Variants in DLGAP2 observed in about 807,000 individuals in gnomAD.
The protein encoded by DLGAP2 is disks large-associated protein 2.
A neutral mutation model predicts 100.3 loss-of-function variants in DLGAP2; 26 were observed. The ratio of observed to expected loss-of-function variants is 0.26; its 90% confidence interval spans 0.19 to 0.36. DLGAP2 has a LOEUF of 0.36. Ranked by LOEUF, DLGAP2 falls within the 10% of genes least tolerant of loss-of-function variation. The pLI, the probability that DLGAP2 is intolerant of heterozygous loss-of-function variation, is 1.00. For synonymous variants in DLGAP2, 886 were observed against 630.1 expected, an observed-to-expected ratio of 1.41 and a Z score of -6.08; for missense variants, 1,858 against 1,453.2, an observed-to-expected ratio of 1.28 and a Z score of -4.53.
intron 2 of DLGAP2, among the ~76,000 whole-genome samples, chr8:1,209,148 C>A (rs1422677034): frequency 6.6e-6 from 1 of 152,010 alleles, no homozygotes; most frequent in Non-Finnish European, 1.5e-5. Flanking sequence ...GTAGAAAAAA[C>A]AATCCTAAAA....
chr8:1,202,600 C>T (rs1797903036), intron 2 of DLGAP2, among the ~76,000 whole-genome samples: 1 of 152,164 alleles, frequency 6.6e-6, no homozygotes, highest in Non-Finnish European at 1.5e-5. Context: ...ACCACAGAGG[C>T]CGTAACACGG....
intron 2 of DLGAP2, among the ~76,000 whole-genome samples, chr8:1,103,771 T>C (rs1804664079): frequency 1.3e-5 from 2 of 149,418 alleles, no homozygotes; most frequent in Admixed American, 1.3e-4. Context: ...GGGGCCTTGG[T>C]TGACGGTGAT....
chr8:943,839 CAA>C (rs1327505790), intron 2 of DLGAP2, among the ~76,000 whole-genome samples: 2 of 152,230 alleles, frequency 1.3e-5, no homozygotes, highest in Non-Finnish European at 2.9e-5. Flanking sequence ...TGAAAATTGT[CAA>C]AAGTTAATGA....
At chr8:1,220,079 G>C (rs4387002) in intron 2 of DLGAP2, among the ~76,000 whole-genome samples, 49,015 of 151,794 alleles carry the variant, frequency 0.32, 8,183 homozygotes, top group South Asian at 0.51. Context: ...TTTTGTTGAT[G>C]TTTTGAATGG....
chr8:1,194,482 A>G (rs1295708883), intron 2 of DLGAP2, among the ~76,000 whole-genome samples: 1 of 152,078 alleles, frequency 6.6e-6, no homozygotes, highest in Non-Finnish European at 1.5e-5. Context: ...CCTCAGTCCC[A>G]CTTTCCAGGT....
rs190719100 is a variant in DLGAP2 at position 919,007 on chromosome 8, C to G, written c.73+11041C>G. On this transcript the variant is annotated intron_variant, in intron 2 of 14. Transcript: ENST00000637795. Reference sequence around the variant, plus strand: ...CCAGGCTGGAGTGCAGTGGTGCGATCAGAACTCACTGCAGCCTCAAGTTCC... The same window carrying G: ...CCAGGCTGGAGTGCAGTGGTGCGATGAGAACTCACTGCAGCCTCAAGTTCC... Among the ~76,000 whole-genome samples, 372 of 152,240 alleles carry G rather than the reference C, an allele frequency of 2.4e-3. 4 individuals carry two copies. Among genetic ancestry groups the G allele is most frequent in the African/African-American group, 8.5e-3 (352 of 41,548 alleles).
At chr8:1,450,878 C>T (rs1262035039) in intron 3 of DLGAP2, among the ~76,000 whole-genome samples, 5 of 152,000 alleles carry the variant, frequency 3.3e-5, no homozygotes, top group South Asian at 2.1e-4. Flanking sequence ...AAAGAGACAC[C>T]GTAATAAACA....
At chr8:1,389,126 G>T (rs1209343142) in intron 3 of DLGAP2, among the ~76,000 whole-genome samples, 1 of 152,186 alleles carries the variant, frequency 6.6e-6, no homozygotes, top group Non-Finnish European at 1.5e-5. Context: ...TGCAGGTGGG[G>T]AGGGCTCTGG....
chr8:1,043,253 GTGTGGGTGGTGGA>G (rs1563161478), intron 2 of DLGAP2, among the ~76,000 whole-genome samples: 9 of 97,332 alleles, frequency 9.2e-5, no homozygotes, highest in African/African-American at 3.1e-4. Flanking sequence ...TGGGTGGTGG[GTGTGGGTGGTGGA>G]TGTGGGTGGT....
intron 2 of DLGAP2, among the ~76,000 whole-genome samples, chr8:1,232,767 C>G (rs74754742): frequency 2.0e-5 from 3 of 152,366 alleles, no homozygotes; most frequent in Non-Finnish European, 4.4e-5. Flanking sequence ...ATTTCTTCCA[C>G]TAACTTTTTT....
intron 2 of DLGAP2, among the ~76,000 whole-genome samples, chr8:946,282 T>C (rs1328625277): frequency 6.6e-6 from 1 of 151,686 alleles, no homozygotes; most frequent in Non-Finnish European, 1.5e-5. Context: ...TTTTTTTTTT[T>C]TTTGACAGTC....
chr8:771,670 G>C (rs2132608247), intron 1 of DLGAP2, among the ~76,000 whole-genome samples: 1 of 152,362 alleles, frequency 6.6e-6, no homozygotes, highest in South Asian at 2.1e-4. Context: ...GAGACGCATT[G>C]AACACGACGT....
At chr8:1,525,418 C>T (rs1208426708) in intron 4 of DLGAP2, among the ~76,000 whole-genome samples, 1 of 152,084 alleles carries the variant, frequency 6.6e-6, no homozygotes, top group Non-Finnish European at 1.5e-5. Context: ...ATTTTCCATC[C>T]ATTTTTTCTG....
intron 2 of DLGAP2, among the ~76,000 whole-genome samples, chr8:1,256,850 T>C (rs13257793): frequency 0.065 from 9,914 of 152,190 alleles, 816 homozygotes; most frequent in African/African-American, 0.19. Flanking sequence ...GGCTGCCCCG[T>C]GTCCCCTGGG....
At chr8:1,089,548 C>T (rs980974621) in intron 2 of DLGAP2, among the ~76,000 whole-genome samples, 6 of 152,204 alleles carry the variant, frequency 3.9e-5, no homozygotes, top group Non-Finnish European at 7.3e-5. Context: ...CTGGCACCCT[C>T]CCTCCTTGCC....
At chr8:1,492,660 C>G (rs1340091809) in intron 3 of DLGAP2, among the ~76,000 whole-genome samples, 2 of 152,238 alleles carry the variant, frequency 1.3e-5, no homozygotes, top group African/African-American at 4.8e-5. Flanking sequence ...GTGACCTGAC[C>G]CCTCCTCACA....
chr8:1,644,836 G>A (rs1323528567), intron 8 of DLGAP2, among the ~76,000 whole-genome samples: 1 of 152,030 alleles, frequency 6.6e-6, no homozygotes, highest in Admixed American at 6.6e-5. Context: ...CGTCTAAAAA[G>A]CATTACATTA....
chr8:1,391,881 A>T (rs1796365482), intron 3 of DLGAP2, among the ~76,000 whole-genome samples: 1 of 152,176 alleles, frequency 6.6e-6, no homozygotes, highest in Non-Finnish European at 1.5e-5. Flanking sequence ...CCCCTCCTGA[A>T]CGCTTGTGCG....
intron 2 of DLGAP2, among the ~76,000 whole-genome samples, chr8:1,183,721 C>A (rs1001906551): frequency 6.6e-6 from 1 of 152,202 alleles, no homozygotes; most frequent in African/African-American, 2.4e-5. Flanking sequence ...TCTGTTATCA[C>A]CGCCTCCTGG....
Sources: gnomAD v4.1 joint callset for allele counts (sites outside exome capture counted in the v4.1 genomes callset) on GRCh38, gnomAD v4.1.1 for gene constraint, MANE v1.5 for transcripts, NCBI Gene and HGNC (gene_info 2026-07-23, HGNC 2026-07-21) for gene names.